The following TACC2 variants were observed in gnomAD, a reference collection of about 807,000 sequenced individuals.
TACC2 encodes transforming acidic coiled-coil containing protein 2.
In TACC2, 137 loss-of-function variants were observed where a neutral mutation model predicts 227.3. The observed-to-expected ratio is 0.60, with a 90% CI of 0.52 to 0.69. The LOEUF (loss-of-function observed/expected upper bound fraction) is 0.69. Ranked by LOEUF, TACC2 falls within the 30% of genes least tolerant of loss-of-function variation. The pLI is 0.00. For missense variants in TACC2, 3,470 were observed against 3,694.4 expected (o/e 0.94, Z 1.57); for synonymous variants, 1,523 against 1,487.5 (o/e 1.02, Z -0.55).
rs771284294 is a variant in TACC2 at position 122,210,631 on chromosome 10, G to A, written c.6206G>A (p.Arg2069Gln). ...AATCAGGAGGGCAAAGTGAACACAC[G>A]GAGGAAGTCCACGGATTCCGTCCCC... The part of the protein sequence containing the change: ...AKNQEGKVNT[R>Q]RKSTDSVPIS... Residue 2069 changes from arginine (R) to glutamine (Q), a missense_variant, in exon 9 of 23, where the codon CGG (arginine) becomes CAG (glutamine). By Grantham distance (43) the Arg-to-Gln change is conservative (BLOSUM62 1). Coordinates refer to ENST00000369005, the MANE Select transcript of TACC2 (RefSeq NM_206862.4). This position sits in a 1 kb window ranked among gnomAD's most constrained non-coding sequence, Gnocchi z 4.6. The A allele has an allele frequency of 2.0e-5, 32 of 1,613,932 alleles. No homozygotes were observed. Among genetic ancestry groups the A allele is most frequent in the Non-Finnish European group, 2.3e-5 (27 of 1,180,020 alleles).
chr10:122,016,244 A>G (rs2135430105), intron 1 of TACC2, among the ~76,000 whole-genome samples: 1 of 137,882 alleles, frequency 7.3e-6, no homozygotes, highest in Non-Finnish European at 1.5e-5. Context: ...CCTGGGTGAC[A>G]GAGTGAGACC....
chr10:122,253,921 A>G, intron 22 of TACC2, 70 bp from the exon 23 acceptor site: 1 of 1,374,214 alleles, frequency 7.3e-7, no homozygotes, highest in Non-Finnish European at 1.0e-6. Flanking sequence ...ATCTCCCCAA[A>G]AAGCCCCATG....
chr10:122,000,697 C>A (rs1441748265), intron 1 of TACC2, among the ~76,000 whole-genome samples: 2 of 152,172 alleles, frequency 1.3e-5, no homozygotes, highest in Non-Finnish European at 2.9e-5. Context: ...CTGGTTTCTA[C>A]AATTGTCTAC....
rs1039421204 is a variant in TACC2, at chr10:122,049,861, A to G, written c.34-577A>G. ...TATGGTTTATAAAAACAACAACAAC[A>G]AATCAACTAACCGGTGGACAAGCTT... On this transcript the variant is annotated intron_variant, in intron 2 of 22. Coordinates refer to ENST00000369005, the MANE Select transcript of TACC2 (RefSeq NM_206862.4). 3.3e-5 allele frequency among the ~76,000 whole-genome samples: 5 copies of G among 152,298 alleles called. No individual in the cohort carries two copies. In the South Asian group the frequency reaches 6.2e-4, roughly 19 times the overall value.
chr10:122,169,094 C>T (rs2093343618), intron 7 of TACC2, among the ~76,000 whole-genome samples: 1 of 152,200 alleles, frequency 6.6e-6, no homozygotes. Flanking sequence ...ACACATCTAT[C>T]CTGTGTTGGA....
At chr10:122,173,838 A>G (rs1360057111) in intron 7 of TACC2, among the ~76,000 whole-genome samples, 1 of 152,148 alleles carries the variant, frequency 6.6e-6, no homozygotes, top group Non-Finnish European at 1.5e-5. Context: ...TGGAGCACAC[A>G]CCATGAAAGC....
chr10:122,158,253 G>A (rs2092608538), intron 7 of TACC2, among the ~76,000 whole-genome samples: 1 of 152,074 alleles, frequency 6.6e-6, no homozygotes, highest in Non-Finnish European at 1.5e-5. Flanking sequence ...GCTGGGCGTG[G>A]TGGCGTGCAC....
At chr10:122,157,311 C>T (rs577174442) in intron 7 of TACC2, among the ~76,000 whole-genome samples, 1 of 152,106 alleles carries the variant, frequency 6.6e-6, no homozygotes, top group African/African-American at 2.4e-5. Context: ...TCCCTGGGAA[C>T]TTTGTAGTTT....
chr10:122,088,315 A>G (rs1004128900), intron 4 of TACC2, among the ~76,000 whole-genome samples, 163 bp from the exon 5 acceptor site: 2 of 151,018 alleles, frequency 1.3e-5, no homozygotes, highest in African/African-American at 4.9e-5. Context: ...TCTGCTTTTG[A>G]ATCTGGATTT....
In TACC2 at chr10:122,086,090, C is replaced by T. The variant is rs1214458563; in HGVS notation, c.3590C>T (p.Ala1197Val). ...AGCTGCCAGGATGCCTTGCTGCCAG[C>T]CAGAGAGCTGGGTGGGATTCCCAGG... ...MASCQDALLP[A>V]RELGGIPRST... is the part of the protein sequence containing the mutation. The change falls in exon 4 of 23, where the codon GCC (alanine) becomes GTC (valine). Residue 1197 changes from alanine (A) to valine (V), a missense_variant. By Grantham distance (64) the Ala-to-Val change is moderately conservative. Transcript: ENST00000369005. 6.2e-7 allele frequency: 1 copy of T among 1,613,770 alleles called. No individual in the cohort carries two copies. Among genetic ancestry groups the T allele is most frequent in the African/African-American group, 1.3e-5 (1 of 75,064 alleles).
chr10:122,105,588 G>A (rs2082661971), intron 5 of TACC2, among the ~76,000 whole-genome samples: 1 of 151,462 alleles, frequency 6.6e-6, no homozygotes, highest in South Asian at 2.1e-4. Flanking sequence ...TCTCCAGCAT[G>A]TGCCTGTCTT....
At chr10:122,006,986 C>G (rs944168586) in intron 1 of TACC2, among the ~76,000 whole-genome samples, 1 of 151,658 alleles carries the variant, frequency 6.6e-6, no homozygotes, top group Non-Finnish European at 1.5e-5. Flanking sequence ...CTCAGCCTTC[C>G]GAGTAGCTGG....
chr10:122,156,504 A>AT (rs2092488804), intron 7 of TACC2, among the ~76,000 whole-genome samples: 1 of 151,788 alleles, frequency 6.6e-6, no homozygotes, highest in South Asian at 2.1e-4. Flanking sequence ...GATTACAGGC[A>AT]TGAGCCACCA....
chr10:122,070,731 CAAG>C (rs987710671), intron 3 of TACC2, among the ~76,000 whole-genome samples: 1 of 102,348 alleles, frequency 9.8e-6, no homozygotes, highest in African/African-American at 3.9e-5. Flanking sequence ...CCAGCCTGGG[CAAG>C]AAGAGCAAAA....
At chr10:122,188,098 C>A (rs2094275278) in intron 7 of TACC2, among the ~76,000 whole-genome samples, 1 of 152,024 alleles carries the variant, frequency 6.6e-6, no homozygotes, top group Non-Finnish European at 1.5e-5. Flanking sequence ...GTTCCCTACC[C>A]TCTTCCAGCC....
At chr10:122,138,093 A>AT (rs944419092) in intron 6 of TACC2, among the ~76,000 whole-genome samples, 1,579 of 144,418 alleles carry the variant, frequency 0.011, 33 homozygotes, top group East Asian at 0.1. Flanking sequence ...CATGTAGTTT[A>AT]TTTTTTTTTT....
chr10:122,033,667 T>C (rs1959216199), intron 2 of TACC2, among the ~76,000 whole-genome samples: 1 of 152,154 alleles, frequency 6.6e-6, no homozygotes, highest in Non-Finnish European at 1.5e-5. Flanking sequence ...TGCCATCCAC[T>C]GGGGAAGAGG....
chr10:122,207,900 C>T (rs868731637), intron 8 of TACC2, among the ~76,000 whole-genome samples: 2 of 152,078 alleles, frequency 1.3e-5, no homozygotes, highest in South Asian at 2.1e-4. Context: ...GGCTGAGGCT[C>T]GTGCTTCCTC....
intron 11 of TACC2, among the ~76,000 whole-genome samples, 155 bp from the exon 12 acceptor site, chr10:122,224,571 C>G (rs2095585882): frequency 6.6e-6 from 1 of 152,158 alleles, no homozygotes; most frequent in African/African-American, 2.4e-5. Flanking sequence ...TTTCTTCAGG[C>G]TATATGAGAA....
Sources: gnomAD v4.1 joint callset for allele counts (sites outside exome capture counted in the v4.1 genomes callset) on GRCh38, gnomAD v4.1.1 for gene constraint, Gnocchi (gnomAD v3.1) non-coding constraint, MANE v1.5 for transcripts, NCBI Gene and HGNC (gene_info 2026-07-23, HGNC 2026-07-21) for gene names.